CADPS: variants seen among roughly 807,000 people sequenced by gnomAD.
CADPS encodes the protein calcium dependent secretion activator, also known as calcium-dependent secretion activator 1.
In CADPS, 57 loss-of-function variants were observed where a neutral mutation model predicts 167.3. That is an observed-to-expected ratio of 0.34 (90% CI 0.28 to 0.42). CADPS has a LOEUF of 0.42. Ranked by LOEUF, CADPS falls within the 20% of genes least tolerant of loss-of-function variation. The pLI is 1.00. For synonymous variants in CADPS, 676 were observed against 635.3 expected (o/e 1.06, Z -0.96); for missense variants, 1,414 against 1,738.1 (o/e 0.81, Z 3.32).
At chr3:62,503,605 G>T (rs1321789477) in intron 17 of CADPS, among the ~76,000 whole-genome samples, 1 of 152,346 alleles carries the variant, frequency 6.6e-6, no homozygotes, top group East Asian at 1.9e-4. Flanking sequence ...GGGGGAAAAT[G>T]TGTGGTATCT....
chr3:62,857,046 C>T (rs1030518658), intron 1 of CADPS, among the ~76,000 whole-genome samples: 3 of 152,042 alleles, frequency 2.0e-5, no homozygotes, highest in Non-Finnish European at 2.9e-5. Flanking sequence ...ACATAACAAA[C>T]ATAAAAACGG....
chr3:62,488,421 G>T (rs142787211), intron 21 of CADPS, among the ~76,000 whole-genome samples: 2 of 152,140 alleles, frequency 1.3e-5, no homozygotes, highest in African/African-American at 4.8e-5. Flanking sequence ...TTAAAAATCG[G>T]CTGATACAGT....
intron 1 of CADPS, among the ~76,000 whole-genome samples, chr3:62,784,832 A>G (rs2092252947): frequency 6.6e-6 from 1 of 152,112 alleles, no homozygotes; most frequent in East Asian, 1.9e-4. Flanking sequence ...AATCCATTGC[A>G]ATGTATGCAG....
At chr3:62,771,221 G>A (rs956570178) in intron 1 of CADPS, among the ~76,000 whole-genome samples, 1 of 152,154 alleles carries the variant, frequency 6.6e-6, no homozygotes, top group Admixed American at 6.5e-5. Flanking sequence ...TGTTTGCTGA[G>A]TGAATACATG....
intron 4 of CADPS, among the ~76,000 whole-genome samples, chr3:62,658,061 A>T (rs867590466): frequency 1.3e-5 from 2 of 152,160 alleles, no homozygotes; most frequent in Admixed American, 1.3e-4. Context: ...GGGAACCAGC[A>T]GGGAGTGAAG....
At chr3:62,413,882 C>T (rs2049479962) in intron 28 of CADPS, among the ~76,000 whole-genome samples, 1 of 110,500 alleles carries the variant, frequency 9.0e-6, no homozygotes, top group Non-Finnish European at 1.9e-5. Context: ...CACACCCAAA[C>T]ATACTTTAAA....
intron 5 of CADPS, among the ~76,000 whole-genome samples, chr3:62,646,394 A>C (rs778984097): frequency 8.9e-4 from 134 of 150,520 alleles, no homozygotes; most frequent in Non-Finnish European, 1.6e-3. Flanking sequence ...CTGGTCTCGA[A>C]CTCCTGACCT....
intron 3 of CADPS, among the ~76,000 whole-genome samples, chr3:62,672,626 TC>T (rs1346042241): frequency 6.6e-6 from 1 of 152,184 alleles, no homozygotes; most frequent in Admixed American, 6.5e-5. Flanking sequence ...TCTTCTGTCA[TC>T]ATTCTTTTCC....
intron 27 of CADPS, 54 bp downstream of exon 27, chr3:62,445,711 T>TC: frequency 2.3e-6 from 2 of 853,054 alleles, no homozygotes; most frequent in Non-Finnish European, 3.1e-6. Context: ...AAAGTAAAAA[T>TC]GAAAAAAAAA....
intron 3 of CADPS, among the ~76,000 whole-genome samples, chr3:62,680,617 T>C (rs1398278591): frequency 6.6e-6 from 1 of 152,078 alleles, no homozygotes; most frequent in Admixed American, 6.5e-5. Flanking sequence ...ACTGCTGTGA[T>C]AGTGGCTCAA....
At chr3:62,612,624 A>T (rs2061657453) in intron 6 of CADPS, among the ~76,000 whole-genome samples, 1 of 152,208 alleles carries the variant, frequency 6.6e-6, no homozygotes, top group Non-Finnish European at 1.5e-5. Context: ...TATAATGGAG[A>T]TGAGTCACCA....
chr3:62,528,600 C>A (rs866565925), intron 13 of CADPS, among the ~76,000 whole-genome samples: 1 of 152,134 alleles, frequency 6.6e-6, no homozygotes, highest in South Asian at 2.1e-4. Context: ...AGGGATATTA[C>A]AGATACTATG....
At chr3:62,593,052 C>T (rs568774523) in intron 6 of CADPS, among the ~76,000 whole-genome samples, 2 of 152,328 alleles carry the variant, frequency 1.3e-5, no homozygotes, top group East Asian at 1.9e-4. Context: ...TATCTACAAA[C>T]GATTCCAGGG....
rs115588139 is a variant in CADPS, at chr3:62,411,389, C to G, written c.3778-8204G>C. ...AGAGGAAGATAATACTTTGACCACG[C>G]CCATGTGACTAAGTTCTTCATTTTG... On this transcript the variant is annotated intron_variant, in intron 28 of 29. Coordinates refer to ENST00000383710, the MANE Select transcript of CADPS (RefSeq NM_003716.4). Among the ~76,000 whole-genome samples the G allele has an allele frequency of 4.7e-3, 712 of 152,200 alleles. 5 individuals carry two copies. The highest frequency in any genetic ancestry group is 0.016 in the African/African-American group (651 of 41,498).
At chr3:62,751,036 C>A (rs2152399223) in intron 3 of CADPS, among the ~76,000 whole-genome samples, 1 of 152,250 alleles carries the variant, frequency 6.6e-6, no homozygotes, top group East Asian at 1.9e-4. Flanking sequence ...GCTCCTAGGT[C>A]AAAAGGTTTT....
At chr3:62,454,554 C>T (rs913512004) in intron 26 of CADPS, among the ~76,000 whole-genome samples, 3 of 152,116 alleles carry the variant, frequency 2.0e-5, no homozygotes, top group Non-Finnish European at 2.9e-5. Context: ...GACAATTTAA[C>T]AAAGTTTGAA....
intron 16 of CADPS, among the ~76,000 whole-genome samples, chr3:62,513,227 A>G (rs1577055665): frequency 1.3e-5 from 2 of 152,210 alleles, no homozygotes; most frequent in Non-Finnish European, 2.9e-5. Context: ...CATCTTAAAC[A>G]TGGAAAAGAA....
At chr3:62,511,391 G>A (rs2067790473) in intron 17 of CADPS, among the ~76,000 whole-genome samples, 1 of 151,986 alleles carries the variant, frequency 6.6e-6, no homozygotes, top group Non-Finnish European at 1.5e-5. Context: ...TTATACTTCT[G>A]GATGTGTGTT....
chr3:62,753,534 C>T lies in CADPS; in HGVS notation c.795G>A (p.Glu265=). The T allele has an allele frequency of 6.2e-7, 1 of 1,614,088 alleles. No homozygotes were observed. Among genetic ancestry groups the T allele is most frequent in the South Asian group, 1.1e-5 (1 of 91,074 alleles). The change falls in exon 3 of 30, where the codon GAG becomes GAA. Residue 265 remains glutamate (E), a synonymous_variant. Transcript: ENST00000383710. This position sits in a 1 kb window ranked among gnomAD's most constrained non-coding sequence, Gnocchi z 4.6. ...AGAGTTGCTCCTTGCTCAGAATCAG[C>T]TCGGAGGCTGCGCTGGCTGTCATCC... ...QARMTASAAS[E]LILSKEQLYE... is the part of the protein sequence containing the mutation.
Sources: allele counts gnomAD v4.1 joint callset (sites outside exome capture counted in the v4.1 genomes callset), GRCh38; gene constraint gnomAD v4.1.1; non-coding constraint Gnocchi (gnomAD v3.1); transcripts MANE v1.5; gene names NCBI Gene and HGNC (gene_info 2026-07-23, HGNC 2026-07-21).